TET3: variants seen among roughly 807,000 people sequenced by gnomAD.
The protein encoded by TET3 is methylcytosine dioxygenase TET3.
Under a neutral mutation model 141.4 loss-of-function variants are expected in TET3, and 19 were observed. The ratio of observed to expected loss-of-function variants is 0.13; its 90% CI spans 0.09 to 0.20. The LOEUF (loss-of-function observed/expected upper bound fraction) is 0.20. Among genes scored for constraint, TET3 ranks in the 10% least tolerant of loss-of-function variants. The pLI is 1.00. For synonymous variants in TET3, 1,043 were observed against 980.9 expected (o/e 1.06, Z -1.18); for missense variants, 1,874 against 2,356.9 (o/e 0.80, Z 4.24).
chr2:74,009,743 GC>G (rs1365660099), intron 3 of TET3, among the ~76,000 whole-genome samples: 1 of 152,240 alleles, frequency 6.6e-6, no homozygotes, highest in African/African-American at 2.4e-5. Context: ...CTAAGGACAT[GC>G]TTTGTGAAGC....
At chr2:74,123,023 C>A in the TET3 span, 1 of 152,030 alleles carries the variant, frequency 6.6e-6, no homozygotes. Context: ...GGAACTGCTT[C>A]CTGCCTTAGG....
chr2:74,044,114 G>T (rs1687489325), intron 3 of TET3, among the ~76,000 whole-genome samples: 1 of 152,162 alleles, frequency 6.6e-6, no homozygotes, highest in Non-Finnish European at 1.5e-5. Flanking sequence ...AGGCTGCAGT[G>T]AACTGTGATC....
intron 3 of TET3, among the ~76,000 whole-genome samples, chr2:74,041,538 C>G (rs181940075): frequency 6.6e-6 from 1 of 151,730 alleles, no homozygotes; most frequent in South Asian, 2.1e-4. Flanking sequence ...TAGTAGACCC[C>G]GAAATCAACT....
Position 74,025,875 on chromosome 2 carries a change from A to C in TET3, c.361-20403A>C, listed in dbSNP as rs1206514414. On this transcript the variant is annotated intron_variant, in intron 3 of 11. Transcript: ENST00000409262. Reference sequence around the variant, plus strand: ...TCCCAGTGCTTTGGGAGGCCAAGGTAGGAGGATCACCTGAGGCCAGGAGTT... The same window carrying C: ...TCCCAGTGCTTTGGGAGGCCAAGGTCGGAGGATCACCTGAGGCCAGGAGTT... 2.6e-5 allele frequency among the ~76,000 whole-genome samples: 4 copies of C among 152,124 alleles called. No homozygotes were observed. In the East Asian group the frequency reaches 7.7e-4, roughly 29 times the overall value.
chr2:74,061,827 GC>G, intron 4 of TET3, among the ~76,000 whole-genome samples: 2 of 138,134 alleles, frequency 1.4e-5, no homozygotes, highest in African/African-American at 3.0e-5. Context: ...ACGATGGGCG[GC>G]CGGGCAGAGA....
intron 4 of TET3, among the ~76,000 whole-genome samples, chr2:74,058,345 C>G (rs1407500488): frequency 1.3e-5 from 2 of 152,084 alleles, no homozygotes; most frequent in East Asian, 1.9e-4. Context: ...ACTCGGTGTT[C>G]TCGGCGAACA....
At chr2:74,091,446 A>G (rs1690494241) in intron 8 of TET3, among the ~76,000 whole-genome samples, 1 of 152,184 alleles carries the variant, frequency 6.6e-6, no homozygotes, top group Non-Finnish European at 1.5e-5. Flanking sequence ...CACTTTACAG[A>G]TGAGGCAGAT....
At chr2:74,013,356 A>G (rs1685568893) in intron 3 of TET3, among the ~76,000 whole-genome samples, 2 of 152,104 alleles carry the variant, frequency 1.3e-5, no homozygotes, top group Non-Finnish European at 2.9e-5. Context: ...TTTTGCATCT[A>G]TATTTATGAA....
chr2:74,090,098 T>G lies in TET3; in HGVS notation c.3039+51T>G. On this transcript the variant is annotated intron_variant, in intron 8 of 11. Coordinates refer to ENST00000409262, the MANE Select transcript of TET3 (RefSeq NM_001287491.2). ...GCCTCCCATCCTTTCTCGCCTGGCG[T>G]CCTTCATGGTCCAGCGGGAGGTAGT... The G allele has an allele frequency of 5.0e-6, 8 of 1,601,914 alleles. No homozygotes were observed. In the South Asian group the frequency reaches 8.8e-5, roughly 18 times the overall value.
chr2:74,033,154 T>C (rs1686846606), intron 3 of TET3, among the ~76,000 whole-genome samples: 1 of 152,248 alleles, frequency 6.6e-6, no homozygotes. Flanking sequence ...AGGTGTTTTA[T>C]AGGTGTTCTA....
chr2:74,073,259 T>C (rs1262149995), intron 4 of TET3, among the ~76,000 whole-genome samples: 10 of 152,190 alleles, frequency 6.6e-5, no homozygotes, highest in Admixed American at 4.6e-4. Flanking sequence ...CTTTATTGGA[T>C]AATGGTAGGC....
At chr2:74,072,119 C>T (rs377471551) in intron 4 of TET3, among the ~76,000 whole-genome samples, 11 of 152,326 alleles carry the variant, frequency 7.2e-5, no homozygotes, top group African/African-American at 2.4e-4. Flanking sequence ...TGGCAACAAC[C>T]ACCAGTTTGC....
At chr2:74,038,377 G>A (rs1687176635) in intron 3 of TET3, among the ~76,000 whole-genome samples, 1 of 152,192 alleles carries the variant, frequency 6.6e-6, no homozygotes, top group East Asian at 1.9e-4. Flanking sequence ...CCTCCAACTT[G>A]GGGAAGACCT....
Position 74,101,479 on chromosome 2 carries a change from A to G in TET3, c.4691A>G (p.Glu1564Gly). The G allele has an allele frequency of 6.2e-7, 1 of 1,613,422 alleles. No individual in the cohort carries two copies. Among genetic ancestry groups the G allele is most frequent in the African/African-American group, 1.3e-5 (1 of 75,018 alleles). ...DKLWNPMKGE[E>G]GRIPAAGASQ... ...CTGTGGAACCCCATGAAAGGAGAGG[A>G]GGGCAGGATTCCAGCCGCAGGGGCC... is the stretch of plus-strand genomic sequence containing the variant. The change falls in exon 12 of 12, where the codon GAG becomes GGG. Residue 1564 changes from glutamate (E) to glycine (G), a missense_variant. Glu to Gly is a moderately conservative substitution (Grantham distance 98). Transcript: ENST00000409262. The surrounding 1 kb of genome is among the most constrained non-coding windows in gnomAD (Gnocchi z 8.5).
intron 3 of TET3, among the ~76,000 whole-genome samples, chr2:74,034,161 TA>T (rs1215640945): frequency 4.3e-4 from 59 of 137,988 alleles, no homozygotes; most frequent in Admixed American, 3.6e-4. Context: ...AATTCGTCAT[TA>T]AAAAAAAAAA....
chr2:74,051,610 G>A (rs1391119681), intron 4 of TET3, among the ~76,000 whole-genome samples: 1 of 152,170 alleles, frequency 6.6e-6, no homozygotes, highest in Non-Finnish European at 1.5e-5. Context: ...AGACCCGTTA[G>A]GAAGCTTTTG....
intron 3 of TET3, among the ~76,000 whole-genome samples, chr2:74,017,703 G>C (rs1263350449): frequency 2.0e-5 from 3 of 152,184 alleles, no homozygotes; most frequent in African/African-American, 7.2e-5. Context: ...AAACATGGGA[G>C]TACAGACATC....
intron 4 of TET3, among the ~76,000 whole-genome samples, chr2:74,064,711 T>C (rs1688786696): frequency 6.6e-6 from 1 of 152,238 alleles, no homozygotes; most frequent in Admixed American, 6.5e-5. Context: ...GATTTTTTTT[T>C]CAATAAATAT....
rs1159181552 is a variant in TET3 at position 74,101,056 on chromosome 2, C to T, written c.4268C>T (p.Ser1423Phe). 5.0e-6 allele frequency: 8 copies of T among 1,612,744 alleles called. No homozygotes were observed. Among genetic ancestry groups the T allele is most frequent in the South Asian group, 1.1e-5 (1 of 90,888 alleles). ...GGCAAGATGGGCAAGACACCTCTGTCCGAGGTGTCTCAGAATGGAGGACCC... is the reference window on the plus strand; with the variant it reads ...GGCAAGATGGGCAAGACACCTCTGTTCGAGGTGTCTCAGAATGGAGGACCC... ...DAGKMGKTPL[S>F]EVSQNGGPSH... is the part of the protein sequence containing the mutation. Residue 1423 changes from serine (S) to phenylalanine (F), a missense_variant, in exon 12 of 12, where the codon TCC becomes TTC. By Grantham distance (155) the Ser-to-Phe change is radical (BLOSUM62 -2). Around this residue, in one of 10 missense-constraint regions of TET3, gnomAD observed 602 missense variants for 590.2 expected, o/e 1.02. Coordinates refer to ENST00000409262, the MANE Select transcript of TET3 (RefSeq NM_001287491.2). This position sits in a 1 kb window ranked among gnomAD's most constrained non-coding sequence, Gnocchi z 8.5.
Sources: allele counts gnomAD v4.1 joint callset (sites outside exome capture counted in the v4.1 genomes callset), GRCh38; gene constraint gnomAD v4.1.1; regional missense constraint gnomAD v4.1.1; non-coding constraint Gnocchi (gnomAD v3.1); transcripts MANE v1.5; gene names NCBI Gene and HGNC (gene_info 2026-07-23, HGNC 2026-07-21).